CNTNAP2: variants seen among roughly 807,000 people sequenced by gnomAD.
The protein encoded by CNTNAP2 is contactin associated protein 2.
In CNTNAP2, 98 loss-of-function variants were observed where a neutral mutation model predicts 155.2. That is an observed-to-expected ratio of 0.63 (90% CI 0.54 to 0.75). The LOEUF is 0.75. Ranked by LOEUF, CNTNAP2 falls within the 30% of genes least tolerant of loss-of-function variation. CNTNAP2 has a pLI of 0.00. For missense variants in CNTNAP2, 1,727 were observed against 1,688.1 expected (o/e 1.02, Z -0.40); for synonymous variants, 651 against 631.2 (o/e 1.03, Z -0.47).
chr7:147,216,126 CTG>C (rs1180234610), intron 8 of CNTNAP2, among the ~76,000 whole-genome samples: 2 of 139,498 alleles, frequency 1.4e-5, no homozygotes, highest in Non-Finnish European at 3.1e-5. Flanking sequence ...AGTTCCCAGT[CTG>C]TGTTTTTTTT....
At chr7:147,544,082 C>G (rs1171729330) in intron 11 of CNTNAP2, among the ~76,000 whole-genome samples, 1 of 152,006 alleles carries the variant, frequency 6.6e-6, no homozygotes, top group Non-Finnish European at 1.5e-5. Flanking sequence ...GAAGAAAATA[C>G]AGAAGACTAC....
chr7:146,496,717 G>A (rs62503532), intron 1 of CNTNAP2, among the ~76,000 whole-genome samples: 59,745 of 151,500 alleles, frequency 0.39, 12,251 homozygotes, highest in East Asian at 0.53. Flanking sequence ...CAGGCTGTTT[G>A]TAGATTTTAT....
chr7:146,235,979 T>TGTGTGC lies in CNTNAP2; in HGVS notation c.97+119007_97+119008insTGTGCG, dbSNP rs1050059152. Among the ~76,000 whole-genome samples, 15 of 139,188 alleles carry TGTGTGC rather than the reference T, an allele frequency of 1.1e-4. No homozygotes were observed. The South Asian group carries it at 2.0e-3, about 19-fold the overall frequency. 91.3% of individuals were successfully genotyped at this position (139,188 alleles called of 152,430 possible). Reference sequence around the variant, plus strand: ...GTGTGTGTGTGTGTGTGTGTGTGTGTGCGCGCGTATTTGTAAAATGCCATT... The same window carrying TGTGTGC: ...GTGTGTGTGTGTGTGTGTGTGTGTGTGTGTGCGCGCGCGTATTTGTAAAATGCCATT... On this transcript the variant is annotated intron_variant, in intron 1 of 23. Transcript: ENST00000361727.
chr7:146,431,103 AGTTT>A (rs1012346489), intron 1 of CNTNAP2, among the ~76,000 whole-genome samples: 4 of 152,030 alleles, frequency 2.6e-5, no homozygotes, highest in African/African-American at 9.7e-5. Context: ...AGGAGGTAAA[AGTTT>A]GTTAGAGTGG....
chr7:147,466,326 T>C (rs1425543251), intron 10 of CNTNAP2, among the ~76,000 whole-genome samples: 1 of 152,178 alleles, frequency 6.6e-6, no homozygotes, highest in Non-Finnish European at 1.5e-5. Context: ...AGTCAAACAA[T>C]ATACAATATA....
intron 15 of CNTNAP2, among the ~76,000 whole-genome samples, chr7:148,113,287 C>A (rs1327584687): frequency 6.6e-6 from 1 of 152,152 alleles, no homozygotes; most frequent in Non-Finnish European, 1.5e-5. Flanking sequence ...TGTACACATA[C>A]CCCGTGGATG....
intron 18 of CNTNAP2, among the ~76,000 whole-genome samples, chr7:148,180,303 C>G (rs922419984): frequency 1.3e-5 from 2 of 152,236 alleles, no homozygotes; most frequent in Middle Eastern, 3.4e-3. Flanking sequence ...AGAATAGAAC[C>G]CTTTTTTTTT....
chr7:147,757,187 TG>T (rs1797223913), intron 13 of CNTNAP2, among the ~76,000 whole-genome samples: 1 of 152,194 alleles, frequency 6.6e-6, no homozygotes, highest in Non-Finnish European at 1.5e-5. Context: ...GCAGCTGCTT[TG>T]GGACAGTCAG....
At chr7:146,766,199 TAAATG>T (rs1215134877) in intron 1 of CNTNAP2, among the ~76,000 whole-genome samples, 1 of 152,146 alleles carries the variant, frequency 6.6e-6, no homozygotes, top group Admixed American at 6.5e-5. Context: ...ATTGAATGAA[TAAATG>T]AAATAAAGTT....
intron 10 of CNTNAP2, among the ~76,000 whole-genome samples, chr7:147,481,403 A>G (rs755518041): frequency 6.6e-6 from 1 of 152,242 alleles, no homozygotes; most frequent in African/African-American, 2.4e-5. Context: ...CTTTGCAATT[A>G]AAATCAAGTT....
intron 3 of CNTNAP2, among the ~76,000 whole-genome samples, chr7:147,021,993 C>G (rs6971919): frequency 6.6e-6 from 1 of 151,664 alleles, no homozygotes; most frequent in Non-Finnish European, 1.5e-5. Context: ...TATTTTTTGT[C>G]ATGAAAATAT....
chr7:146,944,125 A>G (rs950156902), intron 3 of CNTNAP2, among the ~76,000 whole-genome samples: 59 of 152,014 alleles, frequency 3.9e-4, no homozygotes, highest in African/African-American at 1.4e-3. Context: ...GTAGTAAATT[A>G]TGAAATAGAC....
intron 14 of CNTNAP2, among the ~76,000 whole-genome samples, chr7:147,925,283 A>AGT (rs1554450430): frequency 0.31 from 28,372 of 90,602 alleles, 3,664 homozygotes; most frequent in South Asian, 0.43. Flanking sequence ...AACACACACA[A>AGT]GCGCGCGCGC....
chr7:146,224,642 G>A (rs570316304), intron 1 of CNTNAP2, among the ~76,000 whole-genome samples: 14 of 151,848 alleles, frequency 9.2e-5, no homozygotes, highest in Admixed American at 2.6e-4. Context: ...GGTGGTGGGC[G>A]CCTGTAGTCC....
At chr7:148,234,819 T>A (rs2116787915) in intron 20 of CNTNAP2, among the ~76,000 whole-genome samples, 1 of 152,302 alleles carries the variant, frequency 6.6e-6, no homozygotes, top group Non-Finnish European at 1.5e-5. Context: ...CAATCACACA[T>A]TTTTGGGTTT....
Position 146,837,679 on chromosome 7 carries a change from T to A in CNTNAP2, c.209-2032T>A, listed in dbSNP as rs538127402. Among the ~76,000 whole-genome samples, 27 of 152,304 alleles carry A rather than the reference T, an allele frequency of 1.8e-4. 1 individual carries two copies. Among genetic ancestry groups the A allele is most frequent in the Non-Finnish European group, 5.9e-5 (4 of 68,026 alleles). ...GTTCAGTTTCTAAATGTTTATGACT[T>A]TCCTTAATGGAGTGTCAAGTTTTGT... On this transcript the variant is annotated intron_variant, in intron 2 of 23. Coordinates refer to ENST00000361727, the MANE Select transcript of CNTNAP2 (RefSeq NM_014141.6).
intron 2 of CNTNAP2, among the ~76,000 whole-genome samples, chr7:146,801,892 T>C (rs1211145717): frequency 6.6e-6 from 1 of 152,216 alleles, no homozygotes; most frequent in Non-Finnish European, 1.5e-5. Context: ...AGAATAAAAT[T>C]ATTAATTTTA....
rs1170998972 is a variant in CNTNAP2 at position 148,309,658 on chromosome 7, C to G, written c.3475+42532C>G. Among the ~76,000 whole-genome samples, 8 of 151,230 alleles carry G rather than the reference C, an allele frequency of 5.3e-5. No homozygotes were observed. The East Asian group carries it at 1.4e-3, about 26-fold the overall frequency. On this transcript the variant is annotated intron_variant, in intron 21 of 23. Transcript: ENST00000361727. ...GGGGAGCTTTTGAGCCAGGATGAGC[C>G]AGGAGAAGGAATTTCACACGATAAT...
chr7:147,028,959 CTTTTTTTTTTT>C (rs397889433), intron 3 of CNTNAP2, among the ~76,000 whole-genome samples: 1 of 103,744 alleles, frequency 9.6e-6, no homozygotes, highest in African/African-American at 4.2e-5. Flanking sequence ...AAGATATGTT[CTTTTTTTTTTT>C]TTTTTTTTTT....
Sources: allele counts gnomAD v4.1 joint callset (sites outside exome capture counted in the v4.1 genomes callset), GRCh38; gene constraint gnomAD v4.1.1; transcripts MANE v1.5; gene names NCBI Gene and HGNC (gene_info 2026-07-23, HGNC 2026-07-21).